The following RANBP2 variants were observed in gnomAD, a reference collection of about 807,000 sequenced individuals.
The protein encoded by RANBP2 is RAN binding protein 2.
RANBP2 carries 57 observed loss-of-function variants against 303.6 expected under a neutral mutation model. That is an observed-to-expected ratio of 0.19 (90% CI 0.15 to 0.23). The LOEUF (loss-of-function observed/expected upper bound fraction) is 0.23. Among genes scored for constraint, RANBP2 ranks in the 10% least tolerant of loss-of-function variants. The pLI, the probability that RANBP2 is intolerant of heterozygous loss-of-function variation, is 1.00. For synonymous variants in RANBP2, 1,167 were observed against 1,301.5 expected (o/e 0.90, Z 2.23); for missense variants, 3,138 against 3,780.8 (o/e 0.83, Z 4.46).
the RANBP2 span, among the ~76,000 whole-genome samples, chr2:109,362,016 T>C: frequency 6.6e-6 from 1 of 152,188 alleles, no homozygotes; most frequent in Non-Finnish European, 1.5e-5. Flanking sequence ...TTTTAAAGAT[T>C]AATTTATTGA....
the RANBP2 span, among the ~76,000 whole-genome samples, chr2:109,452,677 GGT>G: frequency 6.6e-6 from 1 of 152,220 alleles, no homozygotes; most frequent in Non-Finnish European, 1.5e-5. Context: ...TGTGTTGTGT[GGT>G]GTCAGTGGCT....
At chr2:109,112,513 A>T in the RANBP2 span, among the ~76,000 whole-genome samples, 3 of 151,780 alleles carry the variant, frequency 2.0e-5, no homozygotes, top group Admixed American at 6.6e-5. Flanking sequence ...GTTTGAGTTC[A>T]TTGTAGATTC....
the RANBP2 span, among the ~76,000 whole-genome samples, chr2:109,170,244 T>TTCTCTTCTCTTCTC: frequency 3.9e-4 from 13 of 32,988 alleles, no homozygotes; most frequent in East Asian, 8.9e-4. Context: ...CTTCTTTTCT[T>TTCTCTTCTCTTCTC]TTCTCTTCTC....
the RANBP2 span, among the ~76,000 whole-genome samples, chr2:108,918,747 C>T: frequency 6.6e-6 from 1 of 152,192 alleles, no homozygotes; most frequent in Non-Finnish European, 1.5e-5. Flanking sequence ...CACAATAGCT[C>T]ATATGGGGGT....
At chr2:109,366,736 C>G in the RANBP2 span, among the ~76,000 whole-genome samples, 1 of 152,172 alleles carries the variant, frequency 6.6e-6, no homozygotes, top group South Asian at 2.1e-4. Context: ...GCCTGTGGTC[C>G]CAGCTACTCA....
At chr2:109,502,633 C>A in the RANBP2 span, 2 of 152,134 alleles carry the variant, frequency 1.3e-5, no homozygotes, top group African/African-American at 2.4e-5. Context: ...TAAACTCTTA[C>A]CAAAACCCCG....
At chr2:108,755,528 TA>T (rs1442537961) in intron 17 of RANBP2, among the ~76,000 whole-genome samples, 1 of 151,950 alleles carries the variant, frequency 6.6e-6, no homozygotes, top group Non-Finnish European at 1.5e-5. Flanking sequence ...AAGCCAGGAC[TA>T]CAGACAGTCA....
chr2:109,134,255 G>A, the RANBP2 span, among the ~76,000 whole-genome samples: 2 of 152,150 alleles, frequency 1.3e-5, no homozygotes, highest in East Asian at 3.9e-4. Flanking sequence ...CTGTTCCTCC[G>A]CCCTTCTGTC....
chr2:108,947,900 C>T, the RANBP2 span, among the ~76,000 whole-genome samples: 2 of 152,204 alleles, frequency 1.3e-5, no homozygotes, highest in Non-Finnish European at 2.9e-5. Flanking sequence ...TGAATTCCTC[C>T]CCAGAAAATG....
At chr2:109,275,724 C>T in the RANBP2 span, among the ~76,000 whole-genome samples, 36 of 152,276 alleles carry the variant, frequency 2.4e-4, no homozygotes, top group African/African-American at 6.5e-4. Context: ...CGCTGTTTGC[C>T]GGGTACCCTT....
the RANBP2 span, among the ~76,000 whole-genome samples, chr2:108,907,301 CT>C: frequency 6.6e-6 from 1 of 152,026 alleles, no homozygotes; most frequent in Admixed American, 6.6e-5. Flanking sequence ...GTGATTTTAC[CT>C]TTTTTCTCCT....
At chr2:109,777,437 G>A in the RANBP2 span, among the ~76,000 whole-genome samples, 1 of 137,940 alleles carries the variant, frequency 7.2e-6, no homozygotes, top group African/African-American at 2.7e-5. Flanking sequence ...ATGTCACTTG[G>A]TTATGGTATA....
rs775608632 is a variant in RANBP2 at position 108,735,659 on chromosome 2, C to A, written c.533C>A (p.Thr178Asn). ...CGGCTAGTGGAGGTGTATCGCTCAA[C>A]TAAAAGATTGAAGGATGCTGTGGCC... is the stretch of plus-strand genomic sequence containing the variant. ...NIRLVEVYRS[T>N]KRLKDAVAHC... The change falls in exon 5 of 29, where the codon ACT becomes AAT. Residue 178 changes from threonine to asparagine, a missense_variant. Coordinates refer to ENST00000283195, the MANE Select transcript of RANBP2 (RefSeq NM_006267.5). The A allele has an allele frequency of 1.9e-6, 3 of 1,597,564 alleles. No individual in the cohort carries two copies. Among genetic ancestry groups the A allele is most frequent in the East Asian group, 2.2e-5 (1 of 44,874 alleles).
the RANBP2 span, among the ~76,000 whole-genome samples, chr2:109,621,591 T>C: frequency 6.6e-6 from 1 of 152,140 alleles, no homozygotes; most frequent in East Asian, 1.9e-4. Context: ...ATTTCTGATA[T>C]TGATGTTGGA....
chr2:108,720,235 CTTGTT>C (rs1478325644), intron 1 of RANBP2: 1 of 904,866 alleles, frequency 1.1e-6, no homozygotes, highest in East Asian at 1.1e-4. Flanking sequence ...TGAAAGTCCC[CTTGTT>C]TTGAGTATGA....
the RANBP2 span, among the ~76,000 whole-genome samples, chr2:109,218,846 C>T: frequency 6.6e-6 from 1 of 152,058 alleles, no homozygotes; most frequent in Non-Finnish European, 1.5e-5. Context: ...AACACACACA[C>T]AAACACACAA....
chr2:108,855,284 G>A, the RANBP2 span, among the ~76,000 whole-genome samples: 1 of 152,078 alleles, frequency 6.6e-6, no homozygotes, highest in Admixed American at 6.6e-5. Flanking sequence ...ATTTTTTAAA[G>A]TTTGCAAACT....
chr2:108,729,115 C>T lies in RANBP2; in HGVS notation c.73-17C>T, dbSNP rs751011002. 2.6e-6 allele frequency: 4 copies of T among 1,567,824 alleles called. No individual in the cohort carries two copies. Among genetic ancestry groups the T allele is most frequent in the East Asian group, 4.5e-5 (2 of 44,262 alleles). ...TATTTCTGTATGAAAAGTAAAACAA[C>T]TTTTAATTTTTTTTAGAAGTCAATG... On this transcript the variant is annotated splice_polypyrimidine_tract_variant and intron_variant, in intron 1 of 28. Coordinates refer to ENST00000283195, the MANE Select transcript of RANBP2 (RefSeq NM_006267.5).
the RANBP2 span, chr2:108,798,442 A>C: frequency 6.2e-7 from 1 of 1,612,916 alleles, no homozygotes. Context: ...AAACTGCAGC[A>C]CAACAGAAAT....
Sources: allele counts gnomAD v4.1 joint callset (sites outside exome capture counted in the v4.1 genomes callset), GRCh38; gene constraint gnomAD v4.1.1; transcripts MANE v1.5; gene names NCBI Gene and HGNC (gene_info 2026-07-23, HGNC 2026-07-21).